DIP2C: variants seen among roughly 807,000 people sequenced by gnomAD.
DIP2C encodes the protein DIP2 acetate--CoA ligase C (putative), also known as disco-interacting protein 2 homolog C.
In DIP2C, 33 loss-of-function variants were observed where a neutral mutation model predicts 192.4. That is an observed-to-expected ratio of 0.17 (90% CI 0.13 to 0.23). The LOEUF is 0.23. Among genes scored for constraint, DIP2C ranks in the 10% least tolerant of loss-of-function variants. The probability of loss-of-function intolerance (pLI) is 1.00; values close to 1 mark genes in which losing one functional copy is unlikely to be tolerated. For synonymous variants in DIP2C, 979 were observed against 864.1 expected (o/e 1.13, Z -2.33); for missense variants, 1,537 against 2,110.1 (o/e 0.73, Z 5.32).
chr10:673,857 G>A (rs903275854), intron 1 of DIP2C, among the ~76,000 whole-genome samples: 1 of 152,216 alleles, frequency 6.6e-6, no homozygotes, highest in Non-Finnish European at 1.5e-5. Context: ...AACAGAAAAT[G>A]AGGCATGAAA....
intron 14 of DIP2C, among the ~76,000 whole-genome samples, chr10:386,638 C>T (rs1382738504): frequency 1.3e-5 from 2 of 152,174 alleles, no homozygotes; most frequent in African/African-American, 4.8e-5. Flanking sequence ...GCTCTGCAGC[C>T]ACAGATATTT....
intron 1 of DIP2C, among the ~76,000 whole-genome samples, chr10:518,326 G>A (rs916320300): frequency 1.4e-4 from 21 of 152,256 alleles, no homozygotes; most frequent in African/African-American, 5.1e-4. Flanking sequence ...CAGGAAAGCA[G>A]CTCCGATTGA....
At position 615,161 on chromosome 10, in the gene DIP2C, G is replaced by A. The variant is rs185222985; in HGVS notation, c.85+74333C>T. On this transcript the variant is annotated intron_variant, in intron 1 of 36. Transcript: ENST00000280886. ...GTGACACTTCTCGGAGAGAGACACA[G>A]GCTTCACTGTGAAAGTGCAGAGGAC... is the stretch of plus-strand genomic sequence containing the variant. Among the ~76,000 whole-genome samples, 345 of 152,380 alleles carry A rather than the reference G, an allele frequency of 2.3e-3. 2 individuals carry two copies. Among genetic ancestry groups the A allele is most frequent in the African/African-American group, 7.7e-3 (319 of 41,596 alleles).
In DIP2C at chr10:366,470, G is replaced by A. The variant is rs1433601617; in HGVS notation, c.2132-59C>T. 1.1e-5 allele frequency: 18 copies of A among 1,608,530 alleles called. No homozygotes were observed. The East Asian group carries it at 3.8e-4, about 34-fold the overall frequency. ...GAGGGGGCAGGTGGGGAGAATAAAG[G>A]AAACAGGGAAGACGCGAATATGAAC... On this transcript the variant is annotated intron_variant, in intron 18 of 36. Coordinates refer to ENST00000280886, the MANE Select transcript of DIP2C (RefSeq NM_014974.3).
At chr10:317,541 T>TACTGAGTGAATGATGAACTC (rs1956827667) in intron 31 of DIP2C, among the ~76,000 whole-genome samples, 1 of 152,226 alleles carries the variant, frequency 6.6e-6, no homozygotes, top group African/African-American at 2.4e-5. Context: ...TTGTTGAACT[T>TACTGAGTGAATGATGAACTC]ACTGAGTGAA....
chr10:328,344 C>T (rs746094887), intron 30 of DIP2C, among the ~76,000 whole-genome samples: 9 of 152,178 alleles, frequency 5.9e-5, no homozygotes, highest in Non-Finnish European at 1.2e-4. Flanking sequence ...TTCGTTCAGC[C>T]TAAGAACCTG....
At chr10:540,862 G>A (rs1847943897) in intron 1 of DIP2C, among the ~76,000 whole-genome samples, 1 of 152,204 alleles carries the variant, frequency 6.6e-6, no homozygotes, top group Non-Finnish European at 1.5e-5. Flanking sequence ...AGTCTTTCAA[G>A]GGTTTTGATT....
chr10:337,983 G>A (rs1352755643), intron 29 of DIP2C, among the ~76,000 whole-genome samples: 2 of 151,484 alleles, frequency 1.3e-5, no homozygotes, highest in Non-Finnish European at 2.9e-5. Context: ...TGTGTGTGTT[G>A]TAGAGGCCTA....
At chr10:479,614 A>C (rs971944837) in intron 2 of DIP2C, among the ~76,000 whole-genome samples, 2 of 152,270 alleles carry the variant, frequency 1.3e-5, no homozygotes, top group East Asian at 3.9e-4. Flanking sequence ...AATTATAGGC[A>C]TGAGCCAATG....
chr10:446,146 C>G (rs760823798), intron 3 of DIP2C, among the ~76,000 whole-genome samples: 1 of 150,232 alleles, frequency 6.7e-6, no homozygotes, highest in South Asian at 2.1e-4. Context: ...AAGAGTCTCA[C>G]CGTTCACTAG....
chr10:524,647 AG>A (rs1292278136), intron 1 of DIP2C, among the ~76,000 whole-genome samples: 1 of 152,192 alleles, frequency 6.6e-6, no homozygotes, highest in Non-Finnish European at 1.5e-5. Flanking sequence ...ACATTCTCTA[AG>A]TATTAGCGTT....
intron 1 of DIP2C, among the ~76,000 whole-genome samples, chr10:575,523 T>C (rs546231305): frequency 3.5e-4 from 53 of 152,012 alleles, no homozygotes; most frequent in Non-Finnish European, 6.6e-4. Flanking sequence ...CTGCTGAGAG[T>C]GTCAAGATGT....
Position 526,524 on chromosome 10 carries a change from C to T in DIP2C, c.86-39994G>A, listed in dbSNP as rs1182391951. 3.8e-4 allele frequency among the ~76,000 whole-genome samples: 19 copies of T among 50,120 alleles called. No homozygotes were observed. The Admixed American group carries it at 4.8e-3, about 13-fold the overall frequency. The allele number at this position is 50,120 out of a possible 152,430, so 32.9% of individuals were successfully genotyped here. A position where few individuals can be genotyped will look rare whatever the true frequency, so the allele number is the denominator to read the frequency against. On this transcript the variant is annotated intron_variant, in intron 1 of 36. Transcript: ENST00000280886. Reference sequence around the variant, plus strand: ...GTTTTTCTGTCACACACCAGCCCTACCCCACCAAAAAAAAAAAAAAAAATC... The same window carrying T: ...GTTTTTCTGTCACACACCAGCCCTATCCCACCAAAAAAAAAAAAAAAAATC...
intron 26 of DIP2C, among the ~76,000 whole-genome samples, chr10:345,446 G>A (rs992050896): frequency 9.3e-5 from 14 of 151,252 alleles, no homozygotes; most frequent in Non-Finnish European, 8.8e-5. Flanking sequence ...GACACATCGC[G>A]CACAGTTCTC....
intron 17 of DIP2C, among the ~76,000 whole-genome samples, chr10:374,349 G>GA (rs1367547342): frequency 6.7e-6 from 1 of 150,350 alleles, no homozygotes; most frequent in African/African-American, 2.5e-5. Context: ...CCCACTAACA[G>GA]AACAGGAGTA....
chr10:657,029 A>G (rs1856381748), intron 1 of DIP2C, among the ~76,000 whole-genome samples: 1 of 152,240 alleles, frequency 6.6e-6, no homozygotes, highest in Non-Finnish European at 1.5e-5. Context: ...GGCCATGTGG[A>G]AAGTTGGCTG....
chr10:564,807 G>A (rs923572532), intron 1 of DIP2C, among the ~76,000 whole-genome samples: 1 of 151,920 alleles, frequency 6.6e-6, no homozygotes, highest in African/African-American at 2.4e-5. Flanking sequence ...TCCCATCTCA[G>A]AAAAAAACAC....
intron 1 of DIP2C, among the ~76,000 whole-genome samples, chr10:669,797 T>G (rs971170161): frequency 1.3e-5 from 2 of 152,228 alleles, no homozygotes; most frequent in Admixed American, 1.3e-4. Flanking sequence ...TATTCCACGT[T>G]TCAGCTTAAA....
At chr10:323,816 A>T (rs1342453023) in intron 31 of DIP2C, among the ~76,000 whole-genome samples, 1 of 152,212 alleles carries the variant, frequency 6.6e-6, no homozygotes, top group Non-Finnish European at 1.5e-5. Context: ...TGTGGTCCGT[A>T]CATTTAATGT....
Sources: allele counts gnomAD v4.1 joint callset (sites outside exome capture counted in the v4.1 genomes callset), GRCh38; gene constraint gnomAD v4.1.1; transcripts MANE v1.5; gene names NCBI Gene and HGNC (gene_info 2026-07-23, HGNC 2026-07-21).